Variants in CRADD observed in about 807,000 individuals in gnomAD.
CRADD encodes the protein CARD and death domain containing adaptor protein, also known as death domain-containing protein CRADD.
Under a neutral mutation model 15.5 loss-of-function variants are expected in CRADD, and 9 were observed. That is an observed-to-expected ratio of 0.58 (90% CI 0.35 to 1.01). The LOEUF (loss-of-function observed/expected upper bound fraction) is 1.01, where lower values mean the gene tolerates loss of function less well. Among genes scored for constraint, CRADD ranks in the 50% least tolerant of loss-of-function variants. CRADD has a pLI of 0.02. For synonymous variants in CRADD, 118 were observed against 107.6 expected (o/e 1.10, Z -0.60); for missense variants, 227 against 250.3 (o/e 0.91, Z 0.63).
chr12:93,761,220 T>G (rs569856246), intron 2 of CRADD, among the ~76,000 whole-genome samples: 1 of 152,342 alleles, frequency 6.6e-6, no homozygotes, highest in African/African-American at 2.4e-5. Context: ...TTTGGTCTGA[T>G]TACACTGGGA....
At chr12:93,795,611 C>T (rs908223623) in intron 2 of CRADD, among the ~76,000 whole-genome samples, 5 of 152,176 alleles carry the variant, frequency 3.3e-5, no homozygotes, top group African/African-American at 1.2e-4. Flanking sequence ...TCCATTCACT[C>T]CTTTGCTCTA....
intron 2 of CRADD, among the ~76,000 whole-genome samples, chr12:93,764,210 A>G (rs1957001832): frequency 6.9e-6 from 1 of 145,202 alleles, no homozygotes; most frequent in Admixed American, 7.0e-5. Flanking sequence ...CTTAAGAACG[A>G]TCACTCTGGC....
At chr12:93,779,120 A>C (rs1957171841) in intron 2 of CRADD, among the ~76,000 whole-genome samples, 1 of 152,242 alleles carries the variant, frequency 6.6e-6, no homozygotes, top group Non-Finnish European at 1.5e-5. Context: ...AAATCGCCAC[A>C]GCCAAGATGT....
chr12:93,744,833 A>G (rs1027038424), intron 2 of CRADD, among the ~76,000 whole-genome samples: 8 of 152,180 alleles, frequency 5.3e-5, no homozygotes, highest in African/African-American at 1.9e-4. Flanking sequence ...AAGTTTTTCT[A>G]CCTTGCAAAA....
intron 2 of CRADD, among the ~76,000 whole-genome samples, chr12:93,745,501 C>G (rs1414036385): frequency 2.0e-5 from 3 of 152,148 alleles, no homozygotes; most frequent in Non-Finnish European, 2.9e-5. Context: ...CAGTCTCATA[C>G]TAGGAAGCTG....
At chr12:93,704,388 T>C (rs989281829) in intron 2 of CRADD, among the ~76,000 whole-genome samples, 1 of 152,172 alleles carries the variant, frequency 6.6e-6, no homozygotes, top group Admixed American at 6.5e-5. Context: ...TCCTTCTGTG[T>C]ACTGTATTTT....
chr12:93,709,742 A>G (rs1216435042), intron 2 of CRADD, among the ~76,000 whole-genome samples: 1 of 152,020 alleles, frequency 6.6e-6, no homozygotes, highest in Admixed American at 6.5e-5. Flanking sequence ...GTGTGTCTTT[A>G]TGGTTGGATG....
chr12:93,816,585 G>GGT (rs1263080660), intron 2 of CRADD, among the ~76,000 whole-genome samples: 1 of 152,074 alleles, frequency 6.6e-6, no homozygotes, highest in African/African-American at 2.4e-5. Flanking sequence ...TTCAAAATCT[G>GGT]GTGTGCACTT....
intron 2 of CRADD, among the ~76,000 whole-genome samples, chr12:93,775,742 G>A (rs2136965614): frequency 6.6e-6 from 1 of 152,222 alleles, no homozygotes; most frequent in Admixed American, 6.5e-5. Flanking sequence ...TAGAGTCAGG[G>A]TTGCCAGGGG....
chr12:93,795,968 G>A (rs569361075), intron 2 of CRADD, among the ~76,000 whole-genome samples: 47 of 152,268 alleles, frequency 3.1e-4, no homozygotes, highest in African/African-American at 1.1e-3. Context: ...TCCTAACCAA[G>A]GTGAAATCTT....
intron 2 of CRADD, among the ~76,000 whole-genome samples, chr12:93,887,438 C>T (rs1387517169): frequency 6.6e-6 from 1 of 152,298 alleles, no homozygotes; most frequent in Non-Finnish European, 1.5e-5. Flanking sequence ...AAGCCATGTC[C>T]GTCTGGCAAG....
At chr12:93,710,946 A>G (rs1171922378) in intron 2 of CRADD, among the ~76,000 whole-genome samples, 1 of 151,628 alleles carries the variant, frequency 6.6e-6, no homozygotes, top group Non-Finnish European at 1.5e-5. Context: ...GTTTTGAGCT[A>G]TGAATTGTTT....
chr12:93,742,571 G>T (rs905966273), intron 2 of CRADD, among the ~76,000 whole-genome samples: 5 of 152,082 alleles, frequency 3.3e-5, no homozygotes, highest in Non-Finnish European at 7.4e-5. Context: ...AATACGGAGC[G>T]ATCAGCTTGT....
intron 2 of CRADD, among the ~76,000 whole-genome samples, chr12:93,876,530 C>T (rs1958458607): frequency 6.6e-6 from 1 of 152,046 alleles, no homozygotes; most frequent in African/African-American, 2.4e-5. Flanking sequence ...TTTGTCTCTT[C>T]TGACTGTATT....
intron 2 of CRADD, among the ~76,000 whole-genome samples, chr12:93,808,292 A>C (rs1312743305): frequency 6.6e-6 from 1 of 152,172 alleles, no homozygotes; most frequent in Non-Finnish European, 1.5e-5. Context: ...GAGGCCTCAC[A>C]ATCATGGCAG....
chr12:93,803,809 A>G (rs1018684290), intron 2 of CRADD, among the ~76,000 whole-genome samples: 1 of 152,044 alleles, frequency 6.6e-6, no homozygotes, highest in South Asian at 2.1e-4. Flanking sequence ...AAGGGTACTG[A>G]TCTTGAGATT....
intron 2 of CRADD, among the ~76,000 whole-genome samples, chr12:93,770,125 T>C: frequency 7.1e-6 from 1 of 139,898 alleles, no homozygotes; most frequent in Admixed American, 7.3e-5. Context: ...AGACGGAGTC[T>C]CGCTCTGTGG....
intron 2 of CRADD, among the ~76,000 whole-genome samples, chr12:93,790,099 G>A (rs1592992753): frequency 6.6e-6 from 1 of 152,202 alleles, no homozygotes; most frequent in Non-Finnish European, 1.5e-5. Flanking sequence ...CTCCTAAGAA[G>A]TTTAAGTTCT....
chr12:93,705,617 A>G (rs1050287269), intron 2 of CRADD, among the ~76,000 whole-genome samples: 4 of 152,192 alleles, frequency 2.6e-5, no homozygotes, highest in African/African-American at 9.7e-5. Flanking sequence ...TTTGACATTT[A>G]ATCAGACTTG....
Sources: gnomAD v4.1 joint callset for allele counts (sites outside exome capture counted in the v4.1 genomes callset) on GRCh38, gnomAD v4.1.1 for gene constraint, MANE v1.5 for transcripts, NCBI Gene and HGNC (gene_info 2026-07-23, HGNC 2026-07-21) for gene names.